The following AKAP12 variants were observed in gnomAD, a reference collection of about 807,000 sequenced individuals.
The protein encoded by AKAP12 is A-kinase anchoring protein 12.
Under a neutral mutation model 79.9 loss-of-function variants are expected in AKAP12, and 32 were observed. The ratio of observed to expected loss-of-function variants is 0.40; its 90% CI spans 0.30 to 0.54. The LOEUF (loss-of-function observed/expected upper bound fraction) is 0.54, where lower values mean the gene tolerates loss of function less well. Among genes scored for constraint, AKAP12 ranks in the 20% least tolerant of loss-of-function variants. The pLI is 0.48. For missense variants in AKAP12, 2,074 were observed against 2,177.0 expected, an observed-to-expected ratio of 0.95 and a Z score of 0.94; for synonymous variants, 808 against 857.0, an observed-to-expected ratio of 0.94 and a Z score of 1.00.
intron 2 of AKAP12, among the ~76,000 whole-genome samples, chr6:151,244,486 T>A (rs1797033469): frequency 6.6e-6 from 1 of 152,162 alleles, no homozygotes; most frequent in African/African-American, 2.4e-5. Flanking sequence ...TTGGCGCCAC[T>A]GCACTCCAAT....
At chr6:151,301,030 AATATAC>A (rs1384995502) in intron 2 of AKAP12, among the ~76,000 whole-genome samples, 2 of 152,170 alleles carry the variant, frequency 1.3e-5, no homozygotes, top group Non-Finnish European at 2.9e-5. Context: ...GAAAAAGTGA[AATATAC>A]ATTTCCTCCT....
chr6:151,258,572 A>G (rs1015735971), intron 2 of AKAP12, among the ~76,000 whole-genome samples: 1 of 152,244 alleles, frequency 6.6e-6, no homozygotes, highest in Non-Finnish European at 1.5e-5. Flanking sequence ...ACTTTTGGCC[A>G]CATAAAGAGG....
chr6:151,257,980 C>T (rs573709831), intron 2 of AKAP12, among the ~76,000 whole-genome samples: 1 of 152,130 alleles, frequency 6.6e-6, no homozygotes, highest in Non-Finnish European at 1.5e-5. Context: ...ATTTTTTGGT[C>T]TCCAGTAACA....
chr6:151,296,300 T>C (rs1483467792), intron 2 of AKAP12, among the ~76,000 whole-genome samples: 3 of 152,226 alleles, frequency 2.0e-5, no homozygotes, highest in Non-Finnish European at 4.4e-5. Context: ...GACTCTATGC[T>C]TTGATAATAG....
chr6:151,309,138 G>C (rs1257802967), intron 3 of AKAP12, among the ~76,000 whole-genome samples: 1 of 152,174 alleles, frequency 6.6e-6, no homozygotes, highest in East Asian at 1.9e-4. Context: ...GCCTCCCAAA[G>C]TGCTGGGATT....
At position 151,240,574 on chromosome 6, in the gene AKAP12, G is replaced by T; in HGVS notation, c.12G>T (p.Gly4=). 1 of 1,446,392 alleles carries T rather than the reference G, an allele frequency of 6.9e-7. No homozygotes were observed. The highest frequency in any genetic ancestry group is 1.4e-5 in the South Asian group (1 of 73,666). 89.6% of individuals were successfully genotyped at this position (1,446,392 alleles called of 1,614,324 possible). MGA[G]SSTEQRSPEQ... is the part of the protein sequence containing the mutation. ...AGTGCGGAGGAGCCATGGGCGCCGGGAGCTCCACCGAGCAGCGCAGCCCGG... is the reference window on the plus strand; with the variant it reads ...AGTGCGGAGGAGCCATGGGCGCCGGTAGCTCCACCGAGCAGCGCAGCCCGG... Residue 4 remains glycine, a synonymous_variant, in exon 2 of 5, where the codon GGG becomes GGT. Coordinates refer to ENST00000402676, the MANE Select transcript of AKAP12 (RefSeq NM_005100.4).
At chr6:151,319,767 C>G (rs753847719) in intron 3 of AKAP12, 1 of 156,524 alleles carries the variant, frequency 6.4e-6, no homozygotes, top group Non-Finnish European at 1.5e-5. Context: ...AAGCTGCACA[C>G]TTGGTTGAAG....
Position 151,292,262 on chromosome 6 carries a change from G to A in AKAP12, c.163-13485G>A, listed in dbSNP as rs539749239. ...TACTGAAAAGGAGACAAGCAATTTTGCTTGTTCTTTTTCTCTTTCAGTCGA... is the reference window on the plus strand; with the variant it reads ...TACTGAAAAGGAGACAAGCAATTTTACTTGTTCTTTTTCTCTTTCAGTCGA... On this transcript the variant is annotated intron_variant, in intron 2 of 4. Transcript: ENST00000402676. 1.4e-4 allele frequency among the ~76,000 whole-genome samples: 21 copies of A among 152,258 alleles called. 1 individual carries two copies. In the South Asian group the frequency reaches 3.9e-3, roughly 29 times the overall value.
At chr6:151,282,440 AC>A (rs1776428628) in intron 2 of AKAP12, among the ~76,000 whole-genome samples, 1 of 152,116 alleles carries the variant, frequency 6.6e-6, no homozygotes, top group Non-Finnish European at 1.5e-5. Flanking sequence ...CCTCCAGCTC[AC>A]GCATGGGGGT....
chr6:151,296,890 T>C (rs1776740391), intron 2 of AKAP12, among the ~76,000 whole-genome samples: 1 of 152,210 alleles, frequency 6.6e-6, no homozygotes, highest in Admixed American at 6.5e-5. Context: ...CATCTAAACT[T>C]CTCATAAATC....
chr6:151,289,537 C>G (rs558495476), intron 2 of AKAP12, among the ~76,000 whole-genome samples: 1 of 152,194 alleles, frequency 6.6e-6, no homozygotes, highest in East Asian at 1.9e-4. Context: ...CTTTGCCTCT[C>G]GTACATAGTC....
At chr6:151,315,293 A>G (rs1777210032) in intron 3 of AKAP12, among the ~76,000 whole-genome samples, 1 of 152,234 alleles carries the variant, frequency 6.6e-6, no homozygotes, top group Admixed American at 6.5e-5. Flanking sequence ...CAACAGAATC[A>G]GAGTCTTGTG....
At chr6:151,286,875 T>C (rs1275377266) in intron 2 of AKAP12, among the ~76,000 whole-genome samples, 2 of 152,174 alleles carry the variant, frequency 1.3e-5, no homozygotes, top group African/African-American at 4.8e-5. Flanking sequence ...GCTACTGCTG[T>C]TGACTTGACC....
At chr6:151,283,599 C>T (rs1433743435) in intron 2 of AKAP12, among the ~76,000 whole-genome samples, 1 of 152,132 alleles carries the variant, frequency 6.6e-6, no homozygotes, top group African/African-American at 2.4e-5. Context: ...TTATAAATCC[C>T]CATTGTACCA....
intron 2 of AKAP12, among the ~76,000 whole-genome samples, chr6:151,262,666 A>C (rs546532412): frequency 1.2e-4 from 19 of 152,296 alleles, no homozygotes; most frequent in African/African-American, 4.1e-4. Flanking sequence ...TTAGCAAGTG[A>C]ATATCTGGCA....
At chr6:151,333,310 G>C (rs1179402936) in intron 3 of AKAP12, among the ~76,000 whole-genome samples, 1 of 152,108 alleles carries the variant, frequency 6.6e-6, no homozygotes, top group Non-Finnish European at 1.5e-5. Context: ...AGCAGTGGGA[G>C]TGGGTTGAGC....
rs764470310 is a variant in AKAP12 at position 151,349,253 on chromosome 6, G to A, written c.862G>A (p.Val288Met). 1.5e-5 allele frequency: 24 copies of A among 1,613,422 alleles called. No individual in the cohort carries two copies. The highest frequency in any genetic ancestry group is 9.4e-5 in the African/African-American group (7 of 74,798). The change falls in exon 4 of 5, where the codon GTG (valine) becomes ATG (methionine). Residue 288 changes from valine (V) to methionine (M), a missense_variant. By Grantham distance (21) the Val-to-Met change is conservative. Coordinates refer to ENST00000402676, the MANE Select transcript of AKAP12 (RefSeq NM_005100.4). ...SKSAESPTSP[V>M]TSETGSTFKK... ...GTCTGCAGAATCTCCGACTAGTCCC[G>A]TGACCAGTGAAACAGGATCAACCTT... is the stretch of plus-strand genomic sequence containing the variant.
At chr6:151,343,968 A>AAG (rs1370563822) in intron 3 of AKAP12, 1 of 450,494 alleles carries the variant, frequency 2.2e-6, no homozygotes, top group Non-Finnish European at 4.2e-6. Flanking sequence ...GTATATATCT[A>AAG]AAATGTAGAA....
intron 2 of AKAP12, among the ~76,000 whole-genome samples, chr6:151,247,569 T>C (rs768860102): frequency 9.9e-5 from 15 of 152,226 alleles, no homozygotes; most frequent in Non-Finnish European, 1.9e-4. Flanking sequence ...TAAATTTATT[T>C]GCTTGGAGGA....
Sources: gnomAD v4.1 joint callset for allele counts (sites outside exome capture counted in the v4.1 genomes callset) on GRCh38, gnomAD v4.1.1 for gene constraint, MANE v1.5 for transcripts, NCBI Gene and HGNC (gene_info 2026-07-23, HGNC 2026-07-21) for gene names.